The following KIF17 variants were observed in gnomAD, a reference collection of about 807,000 sequenced individuals.
KIF17 encodes kinesin-like protein KIF17.
In KIF17, 80 loss-of-function variants were observed where a neutral mutation model predicts 96.8. The observed-to-expected ratio is 0.83, with a 90% confidence interval of 0.69 to 1.00. The LOEUF is 1.00. Ranked by LOEUF, KIF17 falls within the 50% of genes least tolerant of loss-of-function variation. The pLI is 0.00. For missense variants in KIF17, 1,280 were observed against 1,372.9 expected (o/e 0.93, Z 1.07); for synonymous variants, 567 against 587.5 (o/e 0.97, Z 0.51).
intron 11 of KIF17, among the ~76,000 whole-genome samples, chr1:20,679,783 G>C (rs2053799777): frequency 6.6e-6 from 1 of 152,148 alleles, no homozygotes; most frequent in African/African-American, 2.4e-5. Context: ...GTGTGGACAA[G>C]GATTCTTCCC....
In KIF17 at chr1:20,685,338, T is replaced by G; in HGVS notation, c.2020-318A>C. 7 of 507,810 alleles carry G rather than the reference T, an allele frequency of 1.4e-5. No individual in the cohort carries two copies. Among genetic ancestry groups the G allele is most frequent in the Admixed American group, 2.4e-5 (1 of 40,916 alleles). The allele number at this position is 507,810 out of a possible 1,614,324, so 31.5% of individuals were successfully genotyped here. A position where few individuals can be genotyped will look rare whatever the true frequency, so the allele number is the denominator to read the frequency against. ...CCGTTCCCGATGAGCCCCATGTGACTTCCCGTCACGTTCGCAGGAAAGTCC... is the reference window on the plus strand; with the variant it reads ...CCGTTCCCGATGAGCCCCATGTGACGTCCCGTCACGTTCGCAGGAAAGTCC... On this transcript the variant is annotated intron_variant, in intron 9 of 14. Transcript: ENST00000400463. The surrounding 1 kb of genome is among the most constrained non-coding windows in gnomAD (Gnocchi z 4.1).
At chr1:20,707,309 T>G (rs986756311) in intron 4 of KIF17, among the ~76,000 whole-genome samples, 1 of 152,174 alleles carries the variant, frequency 6.6e-6, no homozygotes, top group Non-Finnish European at 1.5e-5. Context: ...AAACCAATTG[T>G]CAAGGACCGG....
chr1:20,700,408 C>T lies in KIF17; in HGVS notation c.1124-1920G>A, dbSNP rs1356609700. Among the ~76,000 whole-genome samples the T allele has an allele frequency of 6.6e-6, 1 of 152,118 alleles. No individual in the cohort carries two copies. The highest frequency in any genetic ancestry group is 1.5e-5 in the Non-Finnish European group (1 of 68,034). The stretch of plus-strand genomic sequence containing the variant: ...GTTTTGAAGGTGGAGATGGCAGGAT[C>T]TGCTGACCAACTGGATGTAGATTTG... On this transcript the variant is annotated intron_variant, in intron 5 of 14. Transcript: ENST00000400463. The surrounding 1 kb of genome is among the most constrained non-coding windows in gnomAD (Gnocchi z 4.6).
At chr1:20,682,928 T>A (rs750913451) in intron 10 of KIF17, 44 bp from the exon 11 acceptor site, 1 of 1,552,984 alleles carries the variant, frequency 6.4e-7, no homozygotes, top group Non-Finnish European at 8.8e-7. Context: ...TATCTGCCCA[T>A]CACCGAGCAC....
intron 5 of KIF17, among the ~76,000 whole-genome samples, chr1:20,703,178 A>AATGGATGGACGG (rs1553151973): frequency 2.9e-5 from 4 of 135,794 alleles, no homozygotes; most frequent in Admixed American, 7.1e-5. Flanking sequence ...TGGATGGATG[A>AATGGATGGACGG]ATGGATGGAC....
intron 5 of KIF17, among the ~76,000 whole-genome samples, chr1:20,698,710 CAA>C (rs1300324110): frequency 6.6e-6 from 1 of 152,142 alleles, no homozygotes; most frequent in Non-Finnish European, 1.5e-5. Context: ...TGAACAAAGA[CAA>C]AAACTCCACA....
In KIF17 at chr1:20,672,540, C is replaced by T. The variant is rs536944627; in HGVS notation, c.2464-344G>A. Among the ~76,000 whole-genome samples the T allele has an allele frequency of 9.2e-5, 14 of 152,306 alleles. No individual in the cohort carries two copies. Among genetic ancestry groups the T allele is most frequent in the African/African-American group, 3.4e-4 (14 of 41,570 alleles). On this transcript the variant is annotated intron_variant, in intron 11 of 14. Transcript: ENST00000400463. The surrounding 1 kb of genome is among the most constrained non-coding windows in gnomAD (Gnocchi z 4.3). The stretch of plus-strand genomic sequence containing the variant: ...CCCTCAGTCACTATCTCCCATTGTA[C>T]ATTTTATTCAGGAGCCTTTGAGAAG...
Position 20,684,988 on chromosome 1 carries a change from C to G in KIF17, c.2052G>C (p.Glu684Asp). Residue 684 changes from glutamate to aspartate, a missense_variant, in exon 10 of 15, where the codon GAG becomes GAC. Physicochemically the swap from Glu to Asp is conservative, Grantham distance 45. Transcript: ENST00000400463. Reference protein sequence around the residue: ...EVDLASEVALEVVRTAEPGVW... With the variant: ...EVDLASEVALDVVRTAEPGVW... ...CGCCAGGCTCTGCTGTCCGCACCAC[C>G]TCTAAGGCCACTTCCGAGGCCAGAT... is the stretch of plus-strand genomic sequence containing the variant. 1.2e-6 allele frequency: 2 copies of G among 1,604,974 alleles called. No homozygotes were observed. Among genetic ancestry groups the G allele is most frequent in the South Asian group, 1.1e-5 (1 of 89,354 alleles).
At position 20,704,408 on chromosome 1, in the gene KIF17, G is replaced by A. The variant is rs2054301843; in HGVS notation, c.1123+39C>T. 8.4e-6 allele frequency: 13 copies of A among 1,538,538 alleles called. No individual in the cohort carries two copies. The East Asian group carries it at 3.0e-4, about 35-fold the overall frequency. ...CAGAGGGAAGGAAGCTTTCTCCTGG[G>A]GACCTGGCCCTCCCGCCACTACCCC... On this transcript the variant is annotated intron_variant, in intron 5 of 14. Transcript: ENST00000400463. This position sits in a 1 kb window ranked among gnomAD's most constrained non-coding sequence, Gnocchi z 6.8.
chr1:20,682,105 C>G (rs2154535689), intron 11 of KIF17, among the ~76,000 whole-genome samples: 1 of 152,202 alleles, frequency 6.6e-6, no homozygotes, highest in South Asian at 2.1e-4. Flanking sequence ...CACACGCACA[C>G]CCACACACAC....
At chr1:20,716,732 G>A (rs1240503882) in intron 1 of KIF17, among the ~76,000 whole-genome samples, 2 of 152,180 alleles carry the variant, frequency 1.3e-5, no homozygotes, top group Non-Finnish European at 2.9e-5. Context: ...ACCCGGTGCT[G>A]TTCCCAAAGT....
intron 4 of KIF17, among the ~76,000 whole-genome samples, chr1:20,708,115 C>T (rs2054375472): frequency 6.6e-6 from 1 of 152,018 alleles, no homozygotes; most frequent in African/African-American, 2.4e-5. Flanking sequence ...CTCCCTCCTC[C>T]TCCCTCCTGA....
At position 20,704,564 on chromosome 1, in the gene KIF17, T is replaced by G; in HGVS notation, c.1006A>C (p.Arg336=). ...LRYANRAKNI[R]NKPRINEDPK... is the part of the protein sequence containing the mutation. ...TCCTCATTGATGCGCGGCTTGTTCC[T>G]GATGTTCTTGGCCCGGTTGGCGTAG... The change falls in exon 5 of 15, where the codon AGG becomes CGG. Residue 336 remains arginine (R), a synonymous_variant. Transcript: ENST00000400463. This position sits in a 1 kb window ranked among gnomAD's most constrained non-coding sequence, Gnocchi z 6.8. 1 of 1,614,218 alleles carries G rather than the reference T, an allele frequency of 6.2e-7. No individual in the cohort carries two copies. Among genetic ancestry groups the G allele is most frequent in the Non-Finnish European group, 8.5e-7 (1 of 1,180,036 alleles).
chr1:20,708,029 AT>A (rs1028486157), intron 4 of KIF17, among the ~76,000 whole-genome samples: 1 of 151,932 alleles, frequency 6.6e-6, no homozygotes, highest in African/African-American at 2.4e-5. Flanking sequence ...ACATTATTTT[AT>A]AAGGTGAATG....
chr1:20,671,252 A>G (rs535220442), intron 12 of KIF17, among the ~76,000 whole-genome samples: 1 of 152,326 alleles, frequency 6.6e-6, no homozygotes, highest in East Asian at 1.9e-4. Context: ...TAGGATAACA[A>G]TGACATGCAG....
chr1:20,687,614 G>C lies in KIF17; in HGVS notation c.1712C>G (p.Ser571Cys), dbSNP rs1256254922. ...NVEVSMPTEE[S>C]RSRYFLDECL... is the part of the protein sequence containing the mutation. ...CTCATCCAGGAAGTATCTGCTCCTG[G>C]ACTCCTCAGTGGGCATGGAGACCTC... Residue 571 changes from serine to cysteine, a missense_variant, in exon 8 of 15, where the codon TCC becomes TGC. Physicochemically the swap from Ser to Cys is moderately radical, Grantham distance 112. Transcript: ENST00000400463. The surrounding 1 kb of genome is among the most constrained non-coding windows in gnomAD (Gnocchi z 4.4). The C allele has an allele frequency of 6.2e-7, 1 of 1,614,148 alleles. No individual in the cohort carries two copies. Among genetic ancestry groups the C allele is most frequent in the South Asian group, 1.1e-5 (1 of 91,084 alleles).
downstream of KIF17, among the ~76,000 whole-genome samples, chr1:20,662,474 ATCT>A (rs542711599): frequency 4.8e-4 from 73 of 152,292 alleles, no homozygotes; most frequent in African/African-American, 1.5e-3. Context: ...CCCTCCATAC[ATCT>A]TCTTAACGGA....
At chr1:20,680,318 C>G (rs372293141) in intron 11 of KIF17, among the ~76,000 whole-genome samples, 2 of 152,256 alleles carry the variant, frequency 1.3e-5, no homozygotes, top group South Asian at 2.1e-4. Context: ...ATGTGTCTAA[C>G]CAAAGCTACC....
intron 11 of KIF17, among the ~76,000 whole-genome samples, chr1:20,674,495 G>T (rs1362193781): frequency 6.6e-6 from 1 of 151,300 alleles, no homozygotes; most frequent in East Asian, 1.9e-4. Flanking sequence ...GAACTCCTGG[G>T]TTCAAGCGAT....
Sources: allele counts gnomAD v4.1 joint callset (sites outside exome capture counted in the v4.1 genomes callset), GRCh38; gene constraint gnomAD v4.1.1; non-coding constraint Gnocchi (gnomAD v3.1); transcripts MANE v1.5; gene names NCBI Gene and HGNC (gene_info 2026-07-23, HGNC 2026-07-21).